The following KIAA0319 variants were observed in gnomAD, a reference collection of about 807,000 sequenced individuals.
KIAA0319 encodes the protein dyslexia-associated protein KIAA0319.
In KIAA0319, 83 loss-of-function variants were observed where a neutral mutation model predicts 108.4. That is an observed-to-expected ratio of 0.77 (90% CI 0.64 to 0.92). The LOEUF is 0.92. Among genes scored for constraint, KIAA0319 ranks in the 40% least tolerant of loss-of-function variants. The pLI is 0.00. For missense variants in KIAA0319, 1,195 were observed against 1,322.4 expected (o/e 0.90, Z 1.49); for synonymous variants, 484 against 510.4 (o/e 0.95, Z 0.70).
At chr6:24,618,091 G>C (rs372412342) in intron 1 of KIAA0319, among the ~76,000 whole-genome samples, 1 of 152,164 alleles carries the variant, frequency 6.6e-6, no homozygotes. Flanking sequence ...TCTGTATGCA[G>C]ATAAACTTCT....
intron 1 of KIAA0319, among the ~76,000 whole-genome samples, chr6:24,611,506 G>A (rs560283763): frequency 2.4e-4 from 36 of 152,070 alleles, no homozygotes; most frequent in African/African-American, 8.7e-4. Context: ...CTCAAAAAAA[G>A]AAAAGAAAAA....
chr6:24,603,283 A>C (rs1003427179), intron 1 of KIAA0319, among the ~76,000 whole-genome samples: 7 of 152,294 alleles, frequency 4.6e-5, no homozygotes, highest in Middle Eastern at 3.4e-3. Context: ...AGGTTCAAAA[A>C]AGTGAACTGG....
chr6:24,632,674 A>C (rs758317912), intron 1 of KIAA0319, among the ~76,000 whole-genome samples: 1 of 152,224 alleles, frequency 6.6e-6, no homozygotes, highest in Non-Finnish European at 1.5e-5. Flanking sequence ...CAACAAAGAA[A>C]GAGATAGAGT....
rs925524530 is a variant in KIAA0319 at position 24,599,915 on chromosome 6, C to T, written c.55+1134G>A. On this transcript the variant is annotated intron_variant, in intron 2 of 20. Coordinates refer to ENST00000378214, the MANE Select transcript of KIAA0319 (RefSeq NM_014809.4). The surrounding 1 kb of genome is among the most constrained non-coding windows in gnomAD (Gnocchi z 4.1). ...CCTGAGGCTCAGCGCTCGCCCTCAG[C>T]CGACCCGCGGGAGAGTTCACTGCCT... 4 of 292,278 alleles carry T rather than the reference C, an allele frequency of 1.4e-5. No individual in the cohort carries two copies. The highest frequency in any genetic ancestry group is 4.5e-5 in the African/African-American group (2 of 44,206). 18.1% of individuals were successfully genotyped at this position (292,278 alleles called of 1,614,324 possible). A position where few individuals can be genotyped will look rare whatever the true frequency, so the allele number is the denominator to read the frequency against.
chr6:24,600,032 CAA>C (rs35713930), intron 2 of KIAA0319, among the ~76,000 whole-genome samples: 80,984 of 147,902 alleles, frequency 0.55, 22,787 homozygotes, highest in African/African-American at 0.72. Context: ...GCCAACTGCC[CAA>C]AAAAAAAAAA....
intron 1 of KIAA0319, among the ~76,000 whole-genome samples, chr6:24,623,715 C>A (rs1562090073): frequency 6.6e-6 from 1 of 152,094 alleles, no homozygotes; most frequent in Non-Finnish European, 1.5e-5. Flanking sequence ...CGTTTGATAG[C>A]AAAGTAGGGT....
chr6:24,550,268 G>A (rs1035026902), intron 20 of KIAA0319, among the ~76,000 whole-genome samples: 4 of 152,344 alleles, frequency 2.6e-5, no homozygotes, highest in African/African-American at 9.6e-5. Flanking sequence ...GTAAAGGCAG[G>A]CTCTGTGCTT....
chr6:24,558,953 GT>G, intron 17 of KIAA0319, 59 bp downstream of exon 17: 1 of 1,490,980 alleles, frequency 6.7e-7, no homozygotes. Flanking sequence ...TTCTATGTTT[GT>G]CAAACTTATC....
intron 18 of KIAA0319, 65 bp from the exon 19 acceptor site, chr6:24,554,696 T>C (rs1372937704): frequency 1.8e-5 from 21 of 1,157,824 alleles, no homozygotes; most frequent in African/African-American, 1.5e-5. Context: ...TTTATTTTGA[T>C]GATTCATAAC....
chr6:24,573,805 T>A (rs1263811010), intron 10 of KIAA0319, among the ~76,000 whole-genome samples: 1 of 152,240 alleles, frequency 6.6e-6, no homozygotes, highest in Non-Finnish European at 1.5e-5. Flanking sequence ...GCAATTCATG[T>A]ATTAGTTTTG....
chr6:24,620,668 CA>C (rs1773810295), intron 1 of KIAA0319, among the ~76,000 whole-genome samples: 2 of 152,154 alleles, frequency 1.3e-5, no homozygotes, highest in Non-Finnish European at 2.9e-5. Flanking sequence ...TTAGTCTGCT[CA>C]AGCTTCCATA....
chr6:24,592,025 A>G (rs1372418873), intron 3 of KIAA0319, among the ~76,000 whole-genome samples: 5 of 152,184 alleles, frequency 3.3e-5, no homozygotes, highest in Non-Finnish European at 7.3e-5. Flanking sequence ...CTGAAATACA[A>G]AAGTTTCTAC....
chr6:24,634,965 T>G (rs535087003), intron 1 of KIAA0319, among the ~76,000 whole-genome samples: 32 of 152,294 alleles, frequency 2.1e-4, no homozygotes, highest in Admixed American at 6.5e-4. Flanking sequence ...AACAGTCAAT[T>G]ATGTATTTCT....
intron 1 of KIAA0319, among the ~76,000 whole-genome samples, chr6:24,642,141 G>A (rs1405508535): frequency 3.2e-5 from 4 of 124,342 alleles, no homozygotes; most frequent in Non-Finnish European, 3.5e-5. Context: ...GGAGGGGAAG[G>A]GGAGGGAAGG....
chr6:24,556,006 C>T lies in KIAA0319; in HGVS notation c.2857+601G>A, dbSNP rs564695718. 3.9e-5 allele frequency among the ~76,000 whole-genome samples: 6 copies of T among 152,358 alleles called. No individual in the cohort carries two copies. In the South Asian group the frequency reaches 6.2e-4, roughly 16 times the overall value. Reference sequence around the variant, plus strand: ...GAAGTTTTATGTAAAAGCCTAAACACATCCCACAAAGTAGATTGTAAGAAG... The same window carrying T: ...GAAGTTTTATGTAAAAGCCTAAACATATCCCACAAAGTAGATTGTAAGAAG... On this transcript the variant is annotated intron_variant, in intron 18 of 20. Coordinates refer to ENST00000378214, the MANE Select transcript of KIAA0319 (RefSeq NM_014809.4).
intron 20 of KIAA0319, among the ~76,000 whole-genome samples, chr6:24,548,457 T>C (rs1760954415): frequency 2.6e-5 from 4 of 152,114 alleles, no homozygotes; most frequent in East Asian, 1.9e-4. Flanking sequence ...CTTTCCCCAG[T>C]GCGCAGGTGG....
rs144175049 is a variant in KIAA0319 at position 24,556,705 on chromosome 6, T to C, written c.2759A>G (p.His920Arg). 43 of 1,613,786 alleles carry C rather than the reference T, an allele frequency of 2.7e-5. No individual in the cohort carries two copies. The highest frequency in any genetic ancestry group is 3.2e-5 in the Non-Finnish European group (38 of 1,179,952). ...TAGCLLKCSG[H>R]GHCDPLTKRC... is the part of the protein sequence containing the mutation. ...CTTTGTGAGGGGGTCGCAGTGACCA[T>C]GGCCAGAACACTTCAGAAGGCAACC... The change falls in exon 18 of 21, where the codon CAT becomes CGT. Residue 920 changes from histidine to arginine, a missense_variant. By Grantham distance (29) the His-to-Arg change is conservative. Coordinates refer to ENST00000378214, the MANE Select transcript of KIAA0319 (RefSeq NM_014809.4).
chr6:24,555,603 A>G (rs1391518134), intron 18 of KIAA0319, among the ~76,000 whole-genome samples: 1 of 152,148 alleles, frequency 6.6e-6, no homozygotes, highest in East Asian at 1.9e-4. Context: ...TATAGTATTA[A>G]ATGGGAATAT....
intron 11 of KIAA0319, among the ~76,000 whole-genome samples, chr6:24,572,301 C>G (rs535690627): frequency 9.8e-5 from 15 of 152,306 alleles, no homozygotes; most frequent in South Asian, 6.2e-4. Flanking sequence ...TTCAAGATCC[C>G]CTGGAGCTCT....
Sources: gnomAD v4.1 joint callset for allele counts (sites outside exome capture counted in the v4.1 genomes callset) on GRCh38, gnomAD v4.1.1 for gene constraint, Gnocchi (gnomAD v3.1) non-coding constraint, MANE v1.5 for transcripts, NCBI Gene and HGNC (gene_info 2026-07-23, HGNC 2026-07-21) for gene names.